Variants in LMAN1L observed in about 807,000 individuals in gnomAD.
LMAN1L encodes lectin, mannose binding 1 like, also known as protein ERGIC-53-like.
In LMAN1L, 60 loss-of-function variants were observed where a neutral mutation model predicts 58.3. That is an observed-to-expected ratio of 1.03 (90% CI 0.84 to 1.27). LMAN1L has a LOEUF of 1.27. Ranked by LOEUF, LMAN1L falls within the 50% of genes most tolerant of loss-of-function variation. The pLI is 0.00. For synonymous variants in LMAN1L, 280 were observed against 271.6 expected, an observed-to-expected ratio of 1.03 and a Z score of -0.31; for missense variants, 629 against 674.0, an observed-to-expected ratio of 0.93 and a Z score of 0.74.
chr15:74,817,628 C>A (rs1487533248), intron 4 of LMAN1L, among the ~76,000 whole-genome samples: 1 of 152,216 alleles, frequency 6.6e-6, no homozygotes, highest in Admixed American at 6.5e-5. Context: ...ATGTCCAGGT[C>A]ATCCGTCCTG....
In LMAN1L at chr15:74,819,201, T is replaced by C; in HGVS notation, c.647T>C (p.Val216Ala). 1 of 1,614,142 alleles carries C rather than the reference T, an allele frequency of 6.2e-7. No homozygotes were observed. Reference sequence around the variant, plus strand: ...CCCAGTGATCCAGGTGAGTTCTGTGTGGATGTGGGGCCCCTGCTTTTGGTC... The same window carrying C: ...CCCAGTGATCCAGGTGAGTTCTGTGCGGATGTGGGGCCCCTGCTTTTGGTC... ...LTPSDPGEFC[V>A]DVGPLLLVPG... Residue 216 changes from valine (V) to alanine (A), a missense_variant, in exon 6 of 14, where the codon GTG (valine) becomes GCG (alanine). Val to Ala is a moderately conservative substitution (Grantham distance 64). This residue lies in a region of LMAN1L where 573 missense variants were observed against 597.3 expected (regional missense o/e 0.96). Coordinates refer to ENST00000309664, the MANE Select transcript of LMAN1L (RefSeq NM_021819.3).
chr15:74,816,219 G>C lies in LMAN1L; in HGVS notation c.238G>C (p.Val80Leu). 6.3e-7 allele frequency: 1 copy of C among 1,581,446 alleles called. No individual in the cohort carries two copies. The highest frequency in any genetic ancestry group is 8.6e-7 in the Non-Finnish European group (1 of 1,164,114). The change falls in exon 2 of 14, where the codon GTG becomes CTG. Residue 80 changes from valine to leucine, a missense_variant. Around this residue, in one of 3 missense-constraint regions of LMAN1L, gnomAD observed 573 missense variants for 597.3 expected, o/e 0.96. Coordinates refer to ENST00000309664, the MANE Select transcript of LMAN1L (RefSeq NM_021819.3). ...ATCCATGAGGAACCGGAGTGGCGCC[G>C]TGTGGAGCAGGGCCTCTGTCCCCTT... ...TPSMRNRSGA[V>L]WSRASVPFSA...
At chr15:74,825,003 G>C (rs1388430125) in intron 13 of LMAN1L, 1 of 158,516 alleles carries the variant, frequency 6.3e-6, no homozygotes, top group Non-Finnish European at 1.4e-5. Context: ...TGTGAAATTG[G>C]GCAAAGAGAT....
intron 1 of LMAN1L, chr15:74,813,293 T>G (rs918515874): frequency 3.3e-6 from 2 of 600,528 alleles, no homozygotes; most frequent in African/African-American, 3.6e-5. Context: ...CTGCCTCTCC[T>G]TGGACCCCTG....
chr15:74,821,012 T>G, intron 8 of LMAN1L, 63 bp from the exon 9 acceptor site: 2 of 1,487,724 alleles, frequency 1.3e-6, no homozygotes, highest in South Asian at 2.7e-5. Flanking sequence ...ACCCCAAAGA[T>G]AAGATAGGCT....
At chr15:74,816,821 ACT>A (rs1414964528) in intron 4 of LMAN1L, 131 bp downstream of exon 4, 4 of 845,730 alleles carry the variant, frequency 4.7e-6, no homozygotes, top group Non-Finnish European at 7.2e-6. Context: ...TACTTGCTGG[ACT>A]CTCTCACTTA....
Position 74,825,664 on chromosome 15 carries a change from T to C in LMAN1L, c.*59T>C. The C allele has an allele frequency of 6.4e-7, 1 of 1,563,812 alleles. No homozygotes were observed. The highest frequency in any genetic ancestry group is 8.7e-7 in the Non-Finnish European group (1 of 1,147,868). ...GCAGGCAGTGTCTTGGGTGGGGGCT[T>C]GGTCAGTATCCTCTCCGTCTGGGTG... On this transcript the variant is annotated 3_prime_UTR_variant, in exon 14 of 14. Transcript: ENST00000309664.
intron 10 of LMAN1L, 34 bp downstream of exon 10, chr15:74,821,934 T>C (rs756043324): frequency 1.2e-5 from 17 of 1,445,256 alleles, no homozygotes; most frequent in African/African-American, 2.8e-5. Flanking sequence ...TGACCAGCAC[T>C]GGCCCCAGCT....
intron 8 of LMAN1L, 58 bp from the exon 9 acceptor site, chr15:74,821,017 T>C (rs969953373): frequency 1.3e-6 from 2 of 1,498,416 alleles, no homozygotes; most frequent in African/African-American, 1.4e-5. Context: ...AAAGATAAGA[T>C]AGGCTGTGTT....
Position 74,825,494 on chromosome 15 carries a change from C to A in LMAN1L, c.1470C>A (p.Ser490Arg), listed in dbSNP as rs909490238. ...GCAGCAGGCAGGAGCTGAACAAGAG[C>A]CTTCAGGAGTGTCTGTCCACAGGCA... ...YVHFRQELNK[S>R]LQECLSTGSL... is the part of the protein sequence containing the mutation. Residue 490 changes from serine to arginine, a missense_variant, in exon 14 of 14, where the codon AGC becomes AGA. By Grantham distance (110) the Ser-to-Arg change is moderately radical. Around this residue, in one of 3 missense-constraint regions of LMAN1L, gnomAD observed 53 missense variants for 59.7 expected, o/e 0.89. Transcript: ENST00000309664. 94 of 1,612,590 alleles carry A rather than the reference C, an allele frequency of 5.8e-5. No individual in the cohort carries two copies. The highest frequency in any genetic ancestry group is 7.2e-5 in the Non-Finnish European group (85 of 1,178,968).
intron 7 of LMAN1L, chr15:74,820,306 C>T (rs1368024397): frequency 1.6e-6 from 1 of 622,078 alleles, no homozygotes; most frequent in Non-Finnish European, 2.8e-6. Context: ...TGTGACATTA[C>T]AGTTCAGAGC....
chr15:74,823,442 G>A, intron 11 of LMAN1L, 117 bp from the exon 12 acceptor site: 2 of 1,176,092 alleles, frequency 1.7e-6, no homozygotes, highest in Non-Finnish European at 2.4e-6. Context: ...GGGCCCCATG[G>A]ATGGTACCTG....
At chr15:74,817,430 C>G (rs2141114513) in intron 4 of LMAN1L, among the ~76,000 whole-genome samples, 1 of 152,382 alleles carries the variant, frequency 6.6e-6, no homozygotes, top group South Asian at 2.1e-4. Context: ...TGCTGTGGTG[C>G]TGGCTTCTCC....
At position 74,822,772 on chromosome 15, in the gene LMAN1L, C is replaced by T. The variant is rs546367003; in HGVS notation, c.1199+63C>T. The T allele has an allele frequency of 4.2e-6, 5 of 1,201,192 alleles. No homozygotes were observed. The South Asian group carries it at 6.1e-5, about 15-fold the overall frequency. The allele number at this position is 1,201,192 out of a possible 1,614,324, so 74.4% of individuals were successfully genotyped here. The stretch of plus-strand genomic sequence containing the variant: ...TCTCCGCCTTAAGTTCCTCCATTAG[C>T]CCTTCATTCCTTCCATCATTTCCTG... On this transcript the variant is annotated intron_variant, in intron 11 of 13. Coordinates refer to ENST00000309664, the MANE Select transcript of LMAN1L (RefSeq NM_021819.3).
chr15:74,820,840 T>C, intron 8 of LMAN1L, 73 bp downstream of exon 8: 1 of 1,543,958 alleles, frequency 6.5e-7, no homozygotes, highest in Non-Finnish European at 8.7e-7. Context: ...TGACCAGGGG[T>C]CCTTTAATCA....
chr15:74,823,337 G>A (rs2141117579), intron 11 of LMAN1L, among the ~76,000 whole-genome samples: 1 of 152,282 alleles, frequency 6.6e-6, no homozygotes, highest in African/African-American at 2.4e-5. Flanking sequence ...GGGAGCCTGG[G>A]GTTGACACAG....
intron 1 of LMAN1L, among the ~76,000 whole-genome samples, chr15:74,814,224 A>T (rs1005633051): frequency 2.0e-5 from 3 of 148,056 alleles, no homozygotes; most frequent in African/African-American, 7.5e-5. Flanking sequence ...ATGGAGTTTC[A>T]CTCTTGTTGC....
chr15:74,825,732 T>TCG lies in LMAN1L; in HGVS notation c.*128_*129dup. The TCG allele has an allele frequency of 1.2e-6, 1 of 863,074 alleles. No individual in the cohort carries two copies. The allele number at this position is 863,074 out of a possible 1,614,324, so 53.5% of individuals were successfully genotyped here. ...CCTGAGCTTTCGGCATGCTCCCACC[T>TCG]CGTTAAAGGTGATTTCCCTCTCCCC... On this transcript the variant is annotated 3_prime_UTR_variant, in exon 14 of 14. Coordinates refer to ENST00000309664, the MANE Select transcript of LMAN1L (RefSeq NM_021819.3).
At position 74,817,968 on chromosome 15, in the gene LMAN1L, G is replaced by A. The variant is rs562056539; in HGVS notation, c.498-750G>A. Among the ~76,000 whole-genome samples the A allele has an allele frequency of 2.1e-3, 321 of 150,632 alleles. 3 individuals carry two copies. The highest frequency in any genetic ancestry group is 7.7e-3 in the African/African-American group (314 of 40,944). ...GCAAAGGTTGCAGTGAGCCGAGATC[G>A]CGCCACTGCACTCCAGCCAGGGCAA... On this transcript the variant is annotated intron_variant, in intron 4 of 13. Coordinates refer to ENST00000309664, the MANE Select transcript of LMAN1L (RefSeq NM_021819.3).
Sources: allele counts gnomAD v4.1 joint callset (sites outside exome capture counted in the v4.1 genomes callset), GRCh38; gene constraint gnomAD v4.1.1; regional missense constraint gnomAD v4.1.1; transcripts MANE v1.5; gene names NCBI Gene and HGNC (gene_info 2026-07-23, HGNC 2026-07-21).